Variants in MYO1E observed in about 807,000 individuals in gnomAD.
MYO1E encodes unconventional myosin-Ie.
MYO1E carries 68 observed loss-of-function variants against 151.1 expected under a neutral mutation model. The ratio of observed to expected loss-of-function variants is 0.45; its 90% CI spans 0.37 to 0.55. The LOEUF (loss-of-function observed/expected upper bound fraction) is 0.55, where lower values mean the gene tolerates loss of function less well. Among genes scored for constraint, MYO1E ranks in the 20% least tolerant of loss-of-function variants. The pLI is 0.00. For missense variants in MYO1E, 1,363 were observed against 1,389.3 expected (o/e 0.98, Z 0.30); for synonymous variants, 601 against 501.7 (o/e 1.20, Z -2.64).
intron 1 of MYO1E, among the ~76,000 whole-genome samples, chr15:59,347,074 C>T (rs554147725): frequency 6.6e-6 from 1 of 152,288 alleles, no homozygotes; most frequent in South Asian, 2.1e-4. Flanking sequence ...TGCTCTAGAG[C>T]ACGGGTTCCC....
At chr15:59,203,287 G>C (rs1304443902) in intron 15 of MYO1E, among the ~76,000 whole-genome samples, 2 of 152,104 alleles carry the variant, frequency 1.3e-5, no homozygotes, top group Admixed American at 1.3e-4. Flanking sequence ...ACTGTTCCCA[G>C]CTCTACACAG....
chr15:59,339,853 GTTT>G (rs11300848), intron 1 of MYO1E, among the ~76,000 whole-genome samples: 1 of 133,574 alleles, frequency 7.5e-6, no homozygotes. Context: ...ACTTTTTTTT[GTTT>G]TTTTTTTTTT....
At chr15:59,162,463 G>A (rs1342097739) in intron 23 of MYO1E, among the ~76,000 whole-genome samples, 1 of 151,994 alleles carries the variant, frequency 6.6e-6, no homozygotes, top group African/African-American at 2.4e-5. Flanking sequence ...GGCCAACATG[G>A]TGAAACCCCG....
intron 1 of MYO1E, among the ~76,000 whole-genome samples, chr15:59,288,452 C>T (rs1462528659): frequency 6.6e-6 from 1 of 152,158 alleles, no homozygotes; most frequent in Non-Finnish European, 1.5e-5. Flanking sequence ...GTTGGGATTA[C>T]AGGTGTGAGC....
At chr15:59,265,834 G>A (rs1279315147) in intron 2 of MYO1E, among the ~76,000 whole-genome samples, 1 of 150,544 alleles carries the variant, frequency 6.6e-6, no homozygotes, top group Non-Finnish European at 1.5e-5. Context: ...AGGCATGGTG[G>A]TCTTCACATG....
intron 26 of MYO1E, among the ~76,000 whole-genome samples, chr15:59,149,590 A>C (rs1447471561): frequency 6.6e-6 from 1 of 152,224 alleles, no homozygotes; most frequent in African/African-American, 2.4e-5. Flanking sequence ...ATTTAGTGAA[A>C]TCTTCATGCT....
At chr15:59,157,054 G>A (rs1379340042) in intron 25 of MYO1E, among the ~76,000 whole-genome samples, 1 of 151,228 alleles carries the variant, frequency 6.6e-6, no homozygotes, top group Non-Finnish European at 1.5e-5. Context: ...GAGACTCCGT[G>A]TCTACAAAGA....
intron 1 of MYO1E, 50 bp from the exon 2 acceptor site, chr15:59,272,499 G>GGGGA: frequency 6.3e-7 from 1 of 1,586,322 alleles, no homozygotes; most frequent in South Asian, 1.1e-5. Context: ...TTCCCCTGTA[G>GGGGA]TAACAAAGAC....
intron 16 of MYO1E, among the ~76,000 whole-genome samples, chr15:59,196,477 C>T (rs912461797): frequency 5.3e-5 from 8 of 152,032 alleles, no homozygotes; most frequent in African/African-American, 1.4e-4. Context: ...GCAAAGCAGC[C>T]TAAAGAGAGA....
At chr15:59,347,130 C>T (rs557996742) in intron 1 of MYO1E, among the ~76,000 whole-genome samples, 1 of 152,246 alleles carries the variant, frequency 6.6e-6, no homozygotes, top group South Asian at 2.1e-4. Context: ...TGTCAGGAAC[C>T]GGGCTGCACA....
intron 1 of MYO1E, among the ~76,000 whole-genome samples, chr15:59,357,934 G>A (rs1343625106): frequency 6.6e-6 from 1 of 152,164 alleles, no homozygotes; most frequent in Non-Finnish European, 1.5e-5. Context: ...TGATATAGGT[G>A]AGTGTAGCCA....
Position 59,178,441 on chromosome 15 carries a change from G to A in MYO1E, c.2001C>T (p.Asp667=). 1 of 1,614,238 alleles carries A rather than the reference G, an allele frequency of 6.2e-7. No individual in the cohort carries two copies. Among genetic ancestry groups the A allele is most frequent in the Non-Finnish European group, 8.5e-7 (1 of 1,180,046 alleles). ...HLLQSVNMDS[D]QFQLGRSKVF... is the part of the protein sequence containing the mutation. Reference sequence around the variant, plus strand: ...CTTTACTCCTCCCCAGCTGGAACTGGTCGCTGTCCATGTTGACCGACTGCA... The same window carrying A: ...CTTTACTCCTCCCCAGCTGGAACTGATCGCTGTCCATGTTGACCGACTGCA... The change falls in exon 19 of 28, where the codon GAC becomes GAT. Residue 667 remains aspartate (D), a synonymous_variant. Coordinates refer to ENST00000288235, the MANE Select transcript of MYO1E (RefSeq NM_004998.4).
chr15:59,209,093 G>A (rs1277716161), intron 13 of MYO1E: 18 of 559,380 alleles, frequency 3.2e-5, no homozygotes, highest in Non-Finnish European at 5.4e-5. Context: ...TTATCCAAGA[G>A]TCATGCACAG....
At chr15:59,314,388 T>G (rs2080572605) in intron 1 of MYO1E, among the ~76,000 whole-genome samples, 1 of 152,186 alleles carries the variant, frequency 6.6e-6, no homozygotes, top group Admixed American at 6.5e-5. Flanking sequence ...TCACACAGTG[T>G]CTTTTGCATC....
chr15:59,184,415 C>G (rs775451429), intron 18 of MYO1E, among the ~76,000 whole-genome samples: 8 of 152,062 alleles, frequency 5.3e-5, no homozygotes, highest in Non-Finnish European at 1.2e-4. Context: ...GTATGTAGTA[C>G]AGTGGCAAAA....
rs1157626536 is a variant in MYO1E at position 59,372,517 on chromosome 15, G to A, written c.-17C>T. The A allele has an allele frequency of 2.0e-6, 3 of 1,536,000 alleles. No individual in the cohort carries two copies. In the South Asian group the frequency reaches 3.6e-5, roughly 18 times the overall value. ...ACTCACCATGGTGACTCGCGCCGCG[G>A]TCGCGTCTTCGCCGGGTCCCGCTGC... On this transcript the variant is annotated 5_prime_UTR_variant, in exon 1 of 28. Coordinates refer to ENST00000288235, the MANE Select transcript of MYO1E (RefSeq NM_004998.4).
intron 1 of MYO1E, among the ~76,000 whole-genome samples, chr15:59,354,481 CGTCAGAAAAGCCCTCGCTTGGG>C (rs1173275474): frequency 6.6e-6 from 1 of 152,172 alleles, no homozygotes; most frequent in Non-Finnish European, 1.5e-5. Flanking sequence ...CCCCCACAAA[CGTCAGAAAAGCCCTCGCTTGGG>C]GTCACAGGCC....
At chr15:59,171,095 T>C (rs1232603627) in intron 22 of MYO1E, 2 of 156,026 alleles carry the variant, frequency 1.3e-5, no homozygotes, top group African/African-American at 4.8e-5. Context: ...TTAGTCTTCA[T>C]GGATTGCGAG....
chr15:59,370,698 G>C (rs574729780), intron 1 of MYO1E, among the ~76,000 whole-genome samples: 1 of 152,292 alleles, frequency 6.6e-6, no homozygotes, highest in Non-Finnish European at 1.5e-5. Context: ...TGGTATCACA[G>C]GTTTCGGAAA....
Sources: gnomAD v4.1 joint callset for allele counts (sites outside exome capture counted in the v4.1 genomes callset) on GRCh38, gnomAD v4.1.1 for gene constraint, MANE v1.5 for transcripts, NCBI Gene and HGNC (gene_info 2026-07-23, HGNC 2026-07-21) for gene names.